EPHA3: variants seen among roughly 807,000 people sequenced by gnomAD.
The protein encoded by EPHA3 is EPH receptor A3, also known as ephrin type-A receptor 3.
Under a neutral mutation model 107.1 loss-of-function variants are expected in EPHA3, and 42 were observed. The observed-to-expected ratio is 0.39, with a 90% CI of 0.31 to 0.51. The LOEUF (loss-of-function observed/expected upper bound fraction) is 0.51, where lower values mean the gene tolerates loss of function less well. Among genes scored for constraint, EPHA3 ranks in the 20% least tolerant of loss-of-function variants. The pLI, the probability that EPHA3 is intolerant of heterozygous loss-of-function variation, is 0.78. For synonymous variants in EPHA3, 461 were observed against 424.8 expected, an observed-to-expected ratio of 1.09 and a Z score of -1.05; for missense variants, 1,183 against 1,211.2, an observed-to-expected ratio of 0.98 and a Z score of 0.35.
chr3:89,301,093 T>G (rs1706476886), intron 3 of EPHA3, among the ~76,000 whole-genome samples: 1 of 152,086 alleles, frequency 6.6e-6, no homozygotes, highest in Non-Finnish European at 1.5e-5. Flanking sequence ...GAGTCAAACC[T>G]GGTGGCTAAA....
intron 5 of EPHA3, among the ~76,000 whole-genome samples, chr3:89,368,387 G>T (rs1227061528): frequency 6.7e-6 from 1 of 150,288 alleles, no homozygotes; most frequent in Non-Finnish European, 1.5e-5. Context: ...TATGTAAGAG[G>T]AGATTTATGA....
At chr3:89,460,656 T>G (rs1487857032) in intron 15 of EPHA3, among the ~76,000 whole-genome samples, 6 of 147,982 alleles carry the variant, frequency 4.1e-5, no homozygotes, top group Non-Finnish European at 6.0e-5. Flanking sequence ...ACCATATCCT[T>G]CAAGACAAAT....
intron 5 of EPHA3, among the ~76,000 whole-genome samples, chr3:89,387,258 G>A (rs1182467310): frequency 6.6e-6 from 1 of 152,088 alleles, no homozygotes; most frequent in East Asian, 1.9e-4. Context: ...TCCTAGGAGG[G>A]AACCATGGGT....
At position 89,331,364 on chromosome 3, in the gene EPHA3, G is replaced by T. The variant is rs573320226; in HGVS notation, c.815-9552G>T. On this transcript the variant is annotated intron_variant, in intron 3 of 16. Transcript: ENST00000336596. ...TACATTTTTATCCTGCCTTTTTCCT[G>T]TAAAAATATTATGAGCATCTTTCCA... Among the ~76,000 whole-genome samples, 5 of 152,174 alleles carry T rather than the reference G, an allele frequency of 3.3e-5. No individual in the cohort carries two copies. The East Asian group carries it at 7.7e-4, about 24-fold the overall frequency.
intron 2 of EPHA3, among the ~76,000 whole-genome samples, chr3:89,195,332 G>A (rs547443991): frequency 2.6e-5 from 4 of 152,108 alleles, no homozygotes; most frequent in African/African-American, 9.6e-5. Flanking sequence ...GAAGAGTTCT[G>A]GGTTTGAATC....
intron 2 of EPHA3, among the ~76,000 whole-genome samples, chr3:89,152,046 AC>A (rs1200824017): frequency 6.6e-6 from 1 of 152,024 alleles, no homozygotes; most frequent in Non-Finnish European, 1.5e-5. Context: ...TTTAATGAAG[AC>A]TTCTGCCTTA....
chr3:89,470,357 T>C (rs1287724852), intron 15 of EPHA3, among the ~76,000 whole-genome samples: 2 of 152,240 alleles, frequency 1.3e-5, no homozygotes, highest in East Asian at 3.8e-4. Context: ...TACTCTGCTA[T>C]TTTCTTTTTG....
chr3:89,427,833 G>A (rs1029083292), intron 11 of EPHA3, among the ~76,000 whole-genome samples: 2 of 151,610 alleles, frequency 1.3e-5, no homozygotes, highest in African/African-American at 4.8e-5. Flanking sequence ...AGTACCTAAT[G>A]CAATGTTACA....
chr3:89,351,983 C>T lies in EPHA3; in HGVS notation c.1306+9893C>T, dbSNP rs115996067. On this transcript the variant is annotated intron_variant, in intron 5 of 16. Coordinates refer to ENST00000336596, the MANE Select transcript of EPHA3 (RefSeq NM_005233.6). ...ACCAACACTTATTGATAGGACTTTC[C>T]AGGTGCTGGATATGATGCAGGGAAT... Among the ~76,000 whole-genome samples the T allele has an allele frequency of 4.0e-5, 6 of 149,626 alleles. 1 individual carries two copies. The highest frequency in any genetic ancestry group is 2.7e-4 in the Admixed American group (4 of 14,956).
intron 11 of EPHA3, among the ~76,000 whole-genome samples, chr3:89,425,630 AGTTT>A (rs1298489635): frequency 7.9e-5 from 12 of 151,450 alleles, no homozygotes; most frequent in African/African-American, 1.5e-4. Context: ...TCTGATAAAC[AGTTT>A]GTTTGAATGA....
intron 5 of EPHA3, among the ~76,000 whole-genome samples, chr3:89,357,896 C>T (rs1316856085): frequency 6.6e-6 from 1 of 151,164 alleles, no homozygotes; most frequent in Non-Finnish European, 1.5e-5. Flanking sequence ...GGTATGTTTC[C>T]ATTCTAAGCT....
intron 3 of EPHA3, among the ~76,000 whole-genome samples, chr3:89,298,928 A>G (rs925799592): frequency 6.6e-6 from 1 of 152,108 alleles, no homozygotes; most frequent in African/African-American, 2.4e-5. Flanking sequence ...GAAGATGATA[A>G]TACAGGAAAA....
At chr3:89,163,137 C>T (rs1388459553) in intron 2 of EPHA3, among the ~76,000 whole-genome samples, 3 of 152,126 alleles carry the variant, frequency 2.0e-5, no homozygotes, top group Non-Finnish European at 2.9e-5. Context: ...AACTTGAACC[C>T]TGCCATTGCC....
chr3:89,267,535 G>A (rs1164686130), intron 3 of EPHA3, among the ~76,000 whole-genome samples: 1 of 152,124 alleles, frequency 6.6e-6, no homozygotes, highest in Non-Finnish European at 1.5e-5. Context: ...TGGAAGCCAG[G>A]AAGCAGAATA....
intron 2 of EPHA3, among the ~76,000 whole-genome samples, chr3:89,144,385 G>T (rs538293640): frequency 6.6e-6 from 1 of 151,694 alleles, no homozygotes; most frequent in South Asian, 2.1e-4. Context: ...GACCATCTAT[G>T]TATCCTTCCA....
intron 7 of EPHA3, among the ~76,000 whole-genome samples, chr3:89,407,039 A>G (rs563450991): frequency 6.6e-6 from 1 of 152,302 alleles, no homozygotes; most frequent in South Asian, 2.1e-4. Context: ...TCATTGAAAC[A>G]AAGTATGTAC....
At chr3:89,163,836 CA>C (rs1333169559) in intron 2 of EPHA3, among the ~76,000 whole-genome samples, 4 of 152,032 alleles carry the variant, frequency 2.6e-5, no homozygotes, top group African/African-American at 9.7e-5. Context: ...GGAAGAGACA[CA>C]AAAACCCATT....
At chr3:89,284,190 A>G (rs1049060274) in intron 3 of EPHA3, among the ~76,000 whole-genome samples, 2 of 152,174 alleles carry the variant, frequency 1.3e-5, no homozygotes, top group African/African-American at 2.4e-5. Flanking sequence ...TTCACTTTTT[A>G]AAGTCCATAC....
chr3:89,241,862 T>C (rs1286103011), intron 3 of EPHA3, among the ~76,000 whole-genome samples: 1 of 152,180 alleles, frequency 6.6e-6, no homozygotes, highest in East Asian at 1.9e-4. Context: ...AACTAATTGT[T>C]TTTTCCAATG....
Sources: allele counts gnomAD v4.1 joint callset (sites outside exome capture counted in the v4.1 genomes callset), GRCh38; gene constraint gnomAD v4.1.1; transcripts MANE v1.5; gene names NCBI Gene and HGNC (gene_info 2026-07-23, HGNC 2026-07-21).